IQGAP1: variants seen among roughly 807,000 people sequenced by gnomAD.
IQGAP1 encodes the protein ras GTPase-activating-like protein IQGAP1.
A neutral mutation model predicts 215.6 loss-of-function variants in IQGAP1; 66 were observed. That is an observed-to-expected ratio of 0.31 (90% CI 0.25 to 0.38). IQGAP1 has a LOEUF of 0.38. Ranked by LOEUF, IQGAP1 falls within the 10% of genes least tolerant of loss-of-function variation. The pLI is 1.00. For synonymous variants in IQGAP1, 772 were observed against 728.7 expected (o/e 1.06, Z -0.96); for missense variants, 1,712 against 1,997.1 (o/e 0.86, Z 2.72).
intron 9 of IQGAP1, among the ~76,000 whole-genome samples, chr15:90,445,868 A>G (rs1171943137): frequency 2.0e-5 from 3 of 149,636 alleles, no homozygotes; most frequent in Non-Finnish European, 4.4e-5. Context: ...TTTTGGAGAC[A>G]GAGCCCAGGC....
chr15:90,473,514 G>C, intron 19 of IQGAP1: 1 of 563,346 alleles, frequency 1.8e-6, no homozygotes, highest in Non-Finnish European at 3.2e-6. Flanking sequence ...TGCTGACGTT[G>C]GGGAAGTAGA....
At chr15:90,493,384 T>C (rs1966232221) in intron 35 of IQGAP1, among the ~76,000 whole-genome samples, 1 of 152,206 alleles carries the variant, frequency 6.6e-6, no homozygotes, top group African/African-American at 2.4e-5. Flanking sequence ...TCACAGGCTC[T>C]GATTTTTTTT....
intron 14 of IQGAP1, among the ~76,000 whole-genome samples, chr15:90,455,656 G>C (rs1168524594): frequency 6.6e-6 from 1 of 152,214 alleles, no homozygotes; most frequent in African/African-American, 2.4e-5. Context: ...GCCTTGCTTC[G>C]CATTAGGGAG....
intron 26 of IQGAP1, among the ~76,000 whole-genome samples, chr15:90,480,580 T>C (rs1225469536): frequency 6.6e-6 from 1 of 152,246 alleles, no homozygotes; most frequent in Non-Finnish European, 1.5e-5. Flanking sequence ...TGTTGATTTT[T>C]GCAGAATTTT....
intron 2 of IQGAP1, among the ~76,000 whole-genome samples, chr15:90,413,197 T>C (rs1345041493): frequency 1.3e-5 from 2 of 152,148 alleles, no homozygotes; most frequent in Non-Finnish European, 2.9e-5. Flanking sequence ...GCAGGTTTAT[T>C]TCTGTGGATC....
intron 6 of IQGAP1, 68 bp from the exon 7 acceptor site, chr15:90,440,434 A>G (rs1202241222): frequency 4.7e-6 from 5 of 1,062,974 alleles, no homozygotes; most frequent in South Asian, 4.1e-5. Flanking sequence ...GTTGAGGAAT[A>G]TGTTTCCTTC....
chr15:90,439,593 TTAA>T (rs1965420314), intron 6 of IQGAP1, among the ~76,000 whole-genome samples, 194 bp downstream of exon 6: 1 of 152,004 alleles, frequency 6.6e-6, no homozygotes, highest in South Asian at 2.1e-4. Context: ...GTTCTCTCAC[TTAA>T]TAATGTGAAC....
intron 2 of IQGAP1, among the ~76,000 whole-genome samples, chr15:90,395,470 A>G (rs551404850): frequency 1.6e-4 from 25 of 152,008 alleles, no homozygotes; most frequent in East Asian, 1.2e-3. Context: ...ACAGGCGCCC[A>G]CCACCACGCC....
rs374105363 is a variant in IQGAP1, at chr15:90,426,265, A to G, written c.311A>G (p.Lys104Arg). The G allele has an allele frequency of 2.7e-5, 43 of 1,584,614 alleles. No individual in the cohort carries two copies. The highest frequency in any genetic ancestry group is 3.5e-5 in the Non-Finnish European group (41 of 1,171,698). ...TATGATCGAGAACAGACCAGATACAAGGTGAGTCCTTCCTTGCTTTGTGCT... is the reference window on the plus strand; with the variant it reads ...TATGATCGAGAACAGACCAGATACAGGGTGAGTCCTTCCTTGCTTTGTGCT... The part of the protein sequence containing the change: ...KIYDREQTRY[K>R]ATGLHFRHTD... The change falls in exon 3 of 38, where the codon AAG (lysine) becomes AGG (arginine). Residue 104 changes from lysine to arginine, a missense_variant and splice_region_variant. Coordinates refer to ENST00000268182, the MANE Select transcript of IQGAP1 (RefSeq NM_003870.4).
intron 1 of IQGAP1, among the ~76,000 whole-genome samples, chr15:90,390,101 A>T (rs563527921): frequency 2.6e-4 from 40 of 152,342 alleles, no homozygotes; most frequent in Non-Finnish European, 4.3e-4. Flanking sequence ...GGAAGGGAAG[A>T]GGAGAGTTTC....
chr15:90,467,664 A>G (rs1965850467), intron 18 of IQGAP1, 72 bp downstream of exon 18: 1 of 1,456,448 alleles, frequency 6.9e-7, no homozygotes, highest in Admixed American at 2.2e-5. Context: ...AATTAAGAGG[A>G]ACAGGGCATG....
intron 36 of IQGAP1, among the ~76,000 whole-genome samples, chr15:90,496,317 T>G (rs1802185860): frequency 1.8e-5 from 1 of 56,878 alleles, no homozygotes; most frequent in Non-Finnish European, 3.3e-5. Flanking sequence ...TTTTTTTTTT[T>G]TTTTTTTTTT....
At position 90,501,665 on chromosome 15, in the gene IQGAP1, T is replaced by C. The variant is rs1452441779; in HGVS notation, c.*1557T>C. ...GGAGGCATGGAGTGCCATGGAAGGA[T>C]TCGCCACTACCCAGACCTTGTTTTT... On this transcript the variant is annotated 3_prime_UTR_variant, in exon 38 of 38. Coordinates refer to ENST00000268182, the MANE Select transcript of IQGAP1 (RefSeq NM_003870.4). The C allele has an allele frequency of 6.6e-6, 1 of 152,222 alleles. No individual in the cohort carries two copies. The highest frequency in any genetic ancestry group is 1.5e-5 in the Non-Finnish European group (1 of 68,042). 9.4% of individuals were successfully genotyped at this position (152,222 alleles called of 1,614,324 possible). A position where few individuals can be genotyped will look rare whatever the true frequency, so the allele number is the denominator to read the frequency against.
At chr15:90,469,227 G>A (rs181908150) in intron 18 of IQGAP1, among the ~76,000 whole-genome samples, 71 of 151,130 alleles carry the variant, frequency 4.7e-4, no homozygotes, top group East Asian at 4.0e-4. Flanking sequence ...CCTGTAGGTC[G>A]TTAGACATAT....
chr15:90,427,408 C>T (rs1359453294), intron 3 of IQGAP1, among the ~76,000 whole-genome samples: 1 of 152,028 alleles, frequency 6.6e-6, no homozygotes, highest in Admixed American at 6.6e-5. Flanking sequence ...TCCTGTATCT[C>T]AAGGTGCTAT....
chr15:90,491,051 C>T (rs1161463532), intron 33 of IQGAP1, among the ~76,000 whole-genome samples: 6 of 152,152 alleles, frequency 3.9e-5, no homozygotes, highest in African/African-American at 1.4e-4. Flanking sequence ...CCTCATGATC[C>T]GCCTACCTTG....
At chr15:90,487,324 A>C (rs1318561424) in intron 32 of IQGAP1, 171 bp from the exon 33 acceptor site, 11 of 660,206 alleles carry the variant, frequency 1.7e-5, no homozygotes, top group Non-Finnish European at 2.7e-5. Context: ...GTACCTACTT[A>C]TGGAATGGCT....
Position 90,466,334 on chromosome 15 carries a change from G to A in IQGAP1, c.1933G>A (p.Ala645Thr). Reference sequence around the variant, plus strand: ...TGGTGATGTTGGCAAAACACTGAGTGCCCTTCGCTCCCCTGATGTTGGCTT... The same window carrying A: ...TGGTGATGTTGGCAAAACACTGAGTACCCTTCGCTCCCCTGATGTTGGCTT... ...ESGDVGKTLSALRSPDVGLYG... is the reference protein window; with the variant it reads ...ESGDVGKTLSTLRSPDVGLYG... The change falls in exon 17 of 38, where the codon GCC becomes ACC. Residue 645 changes from alanine to threonine, a missense_variant. Transcript: ENST00000268182. The A allele has an allele frequency of 1.2e-6, 2 of 1,614,122 alleles. No individual in the cohort carries two copies.
chr15:90,473,808 C>G lies in IQGAP1; in HGVS notation c.2433+10C>G, dbSNP rs779600631. The stretch of plus-strand genomic sequence containing the variant: ...AGATGAAGTTGTAAAGGTATGGTAG[C>G]CTGAACAGGGTTTCTCCATGAGGGG... On this transcript the variant is annotated intron_variant, in intron 20 of 37. Coordinates refer to ENST00000268182, the MANE Select transcript of IQGAP1 (RefSeq NM_003870.4). 1 of 1,612,024 alleles carries G rather than the reference C, an allele frequency of 6.2e-7. No individual in the cohort carries two copies. Among genetic ancestry groups the G allele is most frequent in the Admixed American group, 1.7e-5 (1 of 59,818 alleles).
Sources: allele counts gnomAD v4.1 joint callset (sites outside exome capture counted in the v4.1 genomes callset), GRCh38; gene constraint gnomAD v4.1.1; transcripts MANE v1.5; gene names NCBI Gene and HGNC (gene_info 2026-07-23, HGNC 2026-07-21).